Variants in ATP11B observed in about 807,000 individuals in gnomAD.
The protein encoded by ATP11B is ATPase phospholipid transporting 11B (putative).
Under a neutral mutation model 157.8 loss-of-function variants are expected in ATP11B, and 81 were observed. That is an observed-to-expected ratio of 0.51 (90% CI 0.43 to 0.62). The LOEUF (loss-of-function observed/expected upper bound fraction) is 0.62. Ranked by LOEUF, ATP11B falls within the 20% of genes least tolerant of loss-of-function variation. The pLI is 0.00. For synonymous variants in ATP11B, 451 were observed against 469.4 expected, an observed-to-expected ratio of 0.96 and a Z score of 0.51; for missense variants, 1,165 against 1,402.2, an observed-to-expected ratio of 0.83 and a Z score of 2.70.
rs1721858052 is a variant in ATP11B, at chr3:182,874,074, G to T, written c.2252+59G>T. Reference sequence around the variant, plus strand: ...GGGGTTAGCAAACTATGGTTCCCTGGGCCCGATGATATAGCCCACTGTCAC... The same window carrying T: ...GGGGTTAGCAAACTATGGTTCCCTGTGCCCGATGATATAGCCCACTGTCAC... On this transcript the variant is annotated intron_variant, in intron 19 of 29. Transcript: ENST00000323116. 3 of 1,489,006 alleles carry T rather than the reference G, an allele frequency of 2.0e-6. No individual in the cohort carries two copies. The Admixed American group carries it at 5.8e-5, about 29-fold the overall frequency. 92.2% of individuals were successfully genotyped at this position (1,489,006 alleles called of 1,614,324 possible). A position where few individuals can be genotyped will look rare whatever the true frequency, so the allele number is the denominator to read the frequency against.
chr3:182,869,771 C>T (rs1444189269), intron 17 of ATP11B, among the ~76,000 whole-genome samples: 1 of 152,160 alleles, frequency 6.6e-6, no homozygotes, highest in East Asian at 1.9e-4. Flanking sequence ...CCCAAGACAG[C>T]TGAAAACATG....
chr3:182,916,584 T>C, intron 29 of ATP11B: 4 of 985,348 alleles, frequency 4.1e-6, no homozygotes, highest in African/African-American at 1.7e-5. Flanking sequence ...GATTTTCTGT[T>C]CGTGTATTAC....
At chr3:182,866,146 CTGT>C in intron 13 of ATP11B, 119 bp from the exon 14 acceptor site, 1 of 700,240 alleles carries the variant, frequency 1.4e-6, no homozygotes, top group Non-Finnish European at 2.2e-6. Context: ...AAACAACCAA[CTGT>C]TATTCAGGCA....
Position 182,806,278 on chromosome 3 carries a change from A to G in ATP11B, c.27+12492A>G, listed in dbSNP as rs142950519. 3.9e-4 allele frequency among the ~76,000 whole-genome samples: 59 copies of G among 152,266 alleles called. 2 individuals carry two copies. The East Asian group carries it at 8.3e-3, about 21-fold the overall frequency. On this transcript the variant is annotated intron_variant, in intron 1 of 29. Coordinates refer to ENST00000323116, the MANE Select transcript of ATP11B (RefSeq NM_014616.3). Reference sequence around the variant, plus strand: ...CTTTGTTGGTAATATCTTTCACATTATTTTTAAGATTATCTTTGTCCTTGA... The same window carrying G: ...CTTTGTTGGTAATATCTTTCACATTGTTTTTAAGATTATCTTTGTCCTTGA...
At chr3:182,893,647 A>G (rs1309331611) in intron 25 of ATP11B, among the ~76,000 whole-genome samples, 3 of 152,208 alleles carry the variant, frequency 2.0e-5, no homozygotes, top group Non-Finnish European at 4.4e-5. Context: ...GTGCTGCTAT[A>G]AACATGGGTG....
rs1357908267 is a variant in ATP11B, at chr3:182,920,124, C to CAAAG, written c.*2022_*2025dup. On this transcript the variant is annotated 3_prime_UTR_variant, in exon 30 of 30. Coordinates refer to ENST00000323116, the MANE Select transcript of ATP11B (RefSeq NM_014616.3). The stretch of plus-strand genomic sequence containing the variant: ...AAATAAACTGAGTACTGACACCAGA[C>CAAAG]AAAGACTCCAAAGTCATAAAATAGC... The CAAAG allele has an allele frequency of 1.3e-5, 2 of 152,172 alleles. No homozygotes were observed. Among genetic ancestry groups the CAAAG allele is most frequent in the Admixed American group, 6.5e-5 (1 of 15,270 alleles). The allele number at this position is 152,172 out of a possible 1,614,324, so 9.4% of individuals were successfully genotyped here.
intron 10 of ATP11B, among the ~76,000 whole-genome samples, chr3:182,856,838 TTTTAA>T (rs2108531078): frequency 6.6e-6 from 1 of 152,332 alleles, no homozygotes; most frequent in Admixed American, 6.5e-5. Flanking sequence ...TTTTTCAGTC[TTTTAA>T]AGAGTTTTTA....
intron 12 of ATP11B, among the ~76,000 whole-genome samples, chr3:182,860,384 TTATG>T (rs892127365): frequency 1.4e-4 from 21 of 152,234 alleles, no homozygotes; most frequent in African/African-American, 4.6e-4. Flanking sequence ...TCCCAATTCT[TTATG>T]TATGATCTGT....
rs151167498 is a variant in ATP11B at position 182,811,937 on chromosome 3, G to A, written c.28-8323G>A. Among the ~76,000 whole-genome samples, 554 of 152,246 alleles carry A rather than the reference G, an allele frequency of 3.6e-3. 10 individuals are homozygous for A. The highest frequency in any genetic ancestry group is 0.027 in the Admixed American group (405 of 15,276). ...TGTTGCTGCTGCTGTTATTTATTTAGTAATGGTTTCTTGGTTCAGACATTA... is the reference window on the plus strand; with the variant it reads ...TGTTGCTGCTGCTGTTATTTATTTAATAATGGTTTCTTGGTTCAGACATTA... On this transcript the variant is annotated intron_variant, in intron 1 of 29. Coordinates refer to ENST00000323116, the MANE Select transcript of ATP11B (RefSeq NM_014616.3).
chr3:182,826,965 C>T (rs1171412560), intron 2 of ATP11B, among the ~76,000 whole-genome samples: 1 of 152,066 alleles, frequency 6.6e-6, no homozygotes, highest in Admixed American at 6.5e-5. Flanking sequence ...GGCCTCATTG[C>T]CTGAGATCAG....
At chr3:182,917,721 T>C in intron 29 of ATP11B, 1 of 985,192 alleles carries the variant, frequency 1.0e-6, no homozygotes, top group African/African-American at 1.7e-5. Flanking sequence ...TACTTCTTAT[T>C]GAATTGTTAA....
chr3:182,898,552 C>T, intron 27 of ATP11B, 55 bp from the exon 28 acceptor site: 2 of 1,450,704 alleles, frequency 1.4e-6, no homozygotes, highest in South Asian at 1.5e-5. Context: ...ATATGATGTC[C>T]TGATTTAAGT....
chr3:182,819,264 G>A (rs1202538205), intron 1 of ATP11B, among the ~76,000 whole-genome samples: 3 of 151,796 alleles, frequency 2.0e-5, no homozygotes, highest in African/African-American at 4.8e-5. Context: ...GTAGAGACGG[G>A]GTTTCACCAT....
chr3:182,902,502 T>C (rs1165781304), intron 28 of ATP11B: 1 of 1,289,462 alleles, frequency 7.8e-7, no homozygotes, highest in Non-Finnish European at 1.0e-6. Flanking sequence ...CACAGTTGCT[T>C]TAAGTGACGA....
chr3:182,798,788 C>T (rs1486537895), intron 1 of ATP11B, among the ~76,000 whole-genome samples: 1 of 152,154 alleles, frequency 6.6e-6, no homozygotes, highest in Non-Finnish European at 1.5e-5. Context: ...ATCTTGAAGA[C>T]TTAGTTTGGA....
At chr3:182,811,094 CAG>C (rs1389458314) in intron 1 of ATP11B, among the ~76,000 whole-genome samples, 15 of 151,496 alleles carry the variant, frequency 9.9e-5, no homozygotes, top group Admixed American at 1.3e-4. Flanking sequence ...AATGAATAAT[CAG>C]ATGCTGAAGT....
At chr3:182,884,257 T>C (rs1004896719) in intron 21 of ATP11B, among the ~76,000 whole-genome samples, 3 of 152,118 alleles carry the variant, frequency 2.0e-5, no homozygotes, top group South Asian at 4.1e-4. Flanking sequence ...AAAATTTATT[T>C]ATTTTAAATT....
intron 1 of ATP11B, among the ~76,000 whole-genome samples, chr3:182,803,200 C>A (rs552863004): frequency 6.6e-6 from 1 of 152,162 alleles, no homozygotes; most frequent in Non-Finnish European, 1.5e-5. Flanking sequence ...TTCTCCTTTC[C>A]CTACATCTTG....
At chr3:182,829,253 G>A (rs1227665341) in intron 3 of ATP11B, among the ~76,000 whole-genome samples, 1 of 152,176 alleles carries the variant, frequency 6.6e-6, no homozygotes, top group Non-Finnish European at 1.5e-5. Flanking sequence ...CTCTGGCTCT[G>A]TTGGATGTAA....
Sources: allele counts gnomAD v4.1 joint callset (sites outside exome capture counted in the v4.1 genomes callset), GRCh38; gene constraint gnomAD v4.1.1; transcripts MANE v1.5; gene names NCBI Gene and HGNC (gene_info 2026-07-23, HGNC 2026-07-21).